HIVEP3: variants seen among roughly 807,000 people sequenced by gnomAD.
HIVEP3 encodes the protein HIVEP zinc finger 3, also known as transcription factor HIVEP3.
In HIVEP3, 49 loss-of-function variants were observed where a neutral mutation model predicts 152.8. The observed-to-expected ratio is 0.32, with a 90% CI of 0.26 to 0.41. The LOEUF is 0.41. HIVEP3 is among the 10% of genes least tolerant of loss of function. The probability of loss-of-function intolerance (pLI) is 1.00; values close to 1 mark genes in which losing one functional copy is unlikely to be tolerated. For synonymous variants in HIVEP3, 1,269 were observed against 1,289.0 expected, an observed-to-expected ratio of 0.98 and a Z score of 0.33; for missense variants, 2,790 against 3,103.3, an observed-to-expected ratio of 0.90 and a Z score of 2.40.
chr1:41,907,711 T>G (rs1194677884), intron 1 of HIVEP3, among the ~76,000 whole-genome samples: 5 of 151,886 alleles, frequency 3.3e-5, no homozygotes, highest in African/African-American at 4.8e-5. Flanking sequence ...CACCAAGAAG[T>G]GAGCAGCAGG....
intron 1 of HIVEP3, among the ~76,000 whole-genome samples, chr1:41,812,264 G>A (rs1397353445): frequency 2.0e-5 from 3 of 152,038 alleles, no homozygotes; most frequent in African/African-American, 7.2e-5. Context: ...AGCTTGCAAC[G>A]GACAGATGTT....
intron 1 of HIVEP3, among the ~76,000 whole-genome samples, chr1:41,954,524 G>A (rs773959091): frequency 6.6e-6 from 1 of 152,272 alleles, no homozygotes; most frequent in Admixed American, 6.5e-5. Flanking sequence ...ACCCTGCGGG[G>A]TCTGGCTCCA....
intron 3 of HIVEP3, among the ~76,000 whole-genome samples, chr1:41,609,198 T>C (rs1276234536): frequency 6.6e-6 from 1 of 152,250 alleles, no homozygotes; most frequent in Non-Finnish European, 1.5e-5. Flanking sequence ...TTCCAGGATG[T>C]GGACACCGGA....
chr1:41,839,761 T>C (rs1039884375), intron 1 of HIVEP3, among the ~76,000 whole-genome samples: 6 of 152,202 alleles, frequency 3.9e-5, no homozygotes, highest in African/African-American at 1.4e-4. Context: ...GGATTTTTCC[T>C]AATCAAGGAG....
At position 41,584,642 on chromosome 1, in the gene HIVEP3, C is replaced by G; in HGVS notation, c.156G>C (p.Glu52Asp). The G allele has an allele frequency of 6.2e-7, 1 of 1,601,312 alleles. No homozygotes were observed. The highest frequency in any genetic ancestry group is 8.5e-7 in the Non-Finnish European group (1 of 1,173,048). ...CCGGGAAGGGCTGCGGGGCTAAGAG[C>G]TCTTGGGCGGGGCTCTCTTGGGTGG... ...TAATQESPAQ[E>D]LLAPQPFPGP... Residue 52 changes from glutamate (E) to aspartate (D), a missense_variant, in exon 4 of 9, where the codon GAG (glutamate) becomes GAC (aspartate). Physicochemically the swap from Glu to Asp is conservative, Grantham distance 45. This residue lies in a region of HIVEP3 where 209 missense variants were observed against 237.0 expected (regional missense o/e 0.88). Transcript: ENST00000372583. The surrounding 1 kb of genome is among the most constrained non-coding windows in gnomAD (Gnocchi z 5.2).
intron 1 of HIVEP3, among the ~76,000 whole-genome samples, chr1:41,867,842 C>T (rs556879594): frequency 6.6e-6 from 1 of 152,338 alleles, no homozygotes; most frequent in Non-Finnish European, 1.5e-5. Context: ...GAGCCTGGAT[C>T]CAATCACTTC....
intron 1 of HIVEP3, among the ~76,000 whole-genome samples, chr1:41,784,798 T>C (rs533056109): frequency 3.3e-5 from 5 of 152,384 alleles, no homozygotes; most frequent in Admixed American, 3.3e-4. Context: ...AAAAATGCTC[T>C]TTTGTAATTA....
At chr1:41,842,751 T>C (rs1311326475) in intron 1 of HIVEP3, among the ~76,000 whole-genome samples, 1 of 152,218 alleles carries the variant, frequency 6.6e-6, no homozygotes, top group Non-Finnish European at 1.5e-5. Context: ...CCTTTTCATT[T>C]GCTTCTGAGA....
intron 1 of HIVEP3, among the ~76,000 whole-genome samples, chr1:41,981,440 G>T (rs1645293122): frequency 6.6e-6 from 1 of 151,838 alleles, no homozygotes; most frequent in East Asian, 1.9e-4. Flanking sequence ...GGGAGGAAGT[G>T]GTGGGGAGGC....
intron 5 of HIVEP3, among the ~76,000 whole-genome samples, chr1:41,539,530 C>T (rs1643477165): frequency 6.6e-6 from 1 of 152,196 alleles, no homozygotes; most frequent in African/African-American, 2.4e-5. Context: ...ACCATGGTCT[C>T]CTCTTTCCAC....
intron 5 of HIVEP3, among the ~76,000 whole-genome samples, chr1:41,555,737 A>G (rs1406184996): frequency 6.6e-6 from 1 of 152,046 alleles, no homozygotes; most frequent in Non-Finnish European, 1.5e-5. Context: ...GCTCCAGAAA[A>G]ATTTCCATTT....
At chr1:41,939,932 C>A (rs542625678) in intron 1 of HIVEP3, among the ~76,000 whole-genome samples, 21 of 150,730 alleles carry the variant, frequency 1.4e-4, no homozygotes, top group Non-Finnish European at 2.8e-4. Context: ...TTTTTCAATT[C>A]TCATTATTAA....
intron 1 of HIVEP3, among the ~76,000 whole-genome samples, chr1:41,866,562 C>T (rs1643979002): frequency 1.3e-5 from 2 of 152,114 alleles, no homozygotes; most frequent in South Asian, 4.1e-4. Flanking sequence ...ACCAAGCCTG[C>T]TTGCCAGGAG....
At chr1:41,587,977 C>G (rs1174278472) in intron 3 of HIVEP3, among the ~76,000 whole-genome samples, 1 of 152,176 alleles carries the variant, frequency 6.6e-6, no homozygotes, top group East Asian at 1.9e-4. Flanking sequence ...TAGAGTTGCC[C>G]TTTCAACCTA....
intron 1 of HIVEP3, among the ~76,000 whole-genome samples, chr1:41,901,633 G>A (rs1454356956): frequency 6.6e-6 from 1 of 152,168 alleles, no homozygotes; most frequent in Non-Finnish European, 1.5e-5. Flanking sequence ...CACTCAGAGG[G>A]CAAGAAAGAC....
intron 1 of HIVEP3, among the ~76,000 whole-genome samples, chr1:41,878,756 T>C (rs993537402): frequency 7.9e-6 from 1 of 126,512 alleles, no homozygotes; most frequent in Non-Finnish European, 1.7e-5. Context: ...CTCCCTCTCT[T>C]CCTCCCTCCT....
chr1:41,775,239 G>A (rs188747648), intron 1 of HIVEP3, among the ~76,000 whole-genome samples: 1 of 152,270 alleles, frequency 6.6e-6, no homozygotes, highest in Admixed American at 6.5e-5. Flanking sequence ...CTGGATACAA[G>A]ACAAACATCA....
chr1:41,817,599 C>A (rs1642450399), intron 1 of HIVEP3, among the ~76,000 whole-genome samples: 1 of 152,150 alleles, frequency 6.6e-6, no homozygotes, highest in Admixed American at 6.5e-5. Context: ...CCAGGAGGAC[C>A]TGTGGTTCAA....
intron 1 of HIVEP3, among the ~76,000 whole-genome samples, chr1:41,726,782 G>C (rs1190662771): frequency 2.0e-5 from 3 of 152,152 alleles, no homozygotes; most frequent in Non-Finnish European, 2.9e-5. Flanking sequence ...GCTGACTAGA[G>C]AGAAGAACTT....
Sources: gnomAD v4.1 joint callset for allele counts (sites outside exome capture counted in the v4.1 genomes callset) on GRCh38, gnomAD v4.1.1 for gene constraint, gnomAD v4.1.1 regional missense constraint, Gnocchi (gnomAD v3.1) non-coding constraint, MANE v1.5 for transcripts, NCBI Gene and HGNC (gene_info 2026-07-23, HGNC 2026-07-21) for gene names.